The following CEP63 variants were observed in gnomAD, a reference collection of about 807,000 sequenced individuals.
CEP63 encodes the protein centrosomal protein of 63 kDa.
A neutral mutation model predicts 89.1 loss-of-function variants in CEP63; 84 were observed. The ratio of observed to expected loss-of-function variants is 0.94; its 90% CI spans 0.79 to 1.13. CEP63 has a LOEUF of 1.13. Among genes scored for constraint, CEP63 ranks in the 50% most tolerant of loss-of-function variants. The pLI is 0.00. For missense variants in CEP63, 838 were observed against 813.3 expected, an observed-to-expected ratio of 1.03 and a Z score of -0.37; for synonymous variants, 267 against 272.5, an observed-to-expected ratio of 0.98 and a Z score of 0.20.
chr3:134,550,086 T>G lies in CEP63; in HGVS notation c.1206T>G (p.Gly402=), dbSNP rs1488456248. ...IKKLKEQILQ[G]EQSYSSALEG... is the part of the protein sequence containing the mutation. Reference sequence around the variant, plus strand: ...AGTTGAAAGAACAGATTTTACAGGGTGAACAAAGTTACAGTTCTGCACTAG... The same window carrying G: ...AGTTGAAAGAACAGATTTTACAGGGGGAACAAAGTTACAGTTCTGCACTAG... Residue 402 remains glycine, a synonymous_variant, in exon 11 of 15, where the codon GGT becomes GGG. Transcript: ENST00000675561. 6.2e-7 allele frequency: 1 copy of G among 1,613,886 alleles called. No individual in the cohort carries two copies. Among genetic ancestry groups the G allele is most frequent in the Admixed American group, 1.7e-5 (1 of 60,016 alleles).
At chr3:134,689,448 A>T in the CEP63 span, among the ~76,000 whole-genome samples, 30 of 150,764 alleles carry the variant, frequency 2.0e-4, no homozygotes, top group Admixed American at 1.6e-3. Flanking sequence ...CTTATTTATT[A>T]TTATTATTAT....
At chr3:134,571,293 G>A (rs1359641917) in intron 11 of CEP63, among the ~76,000 whole-genome samples, 4 of 152,134 alleles carry the variant, frequency 2.6e-5, no homozygotes, top group African/African-American at 4.8e-5. Flanking sequence ...GGTGGCTTAG[G>A]TACTTAGAGG....
At chr3:134,525,637 G>A (rs1273044635) in intron 3 of CEP63, among the ~76,000 whole-genome samples, 1 of 152,196 alleles carries the variant, frequency 6.6e-6, no homozygotes, top group East Asian at 1.9e-4. Flanking sequence ...GTGTACTTTA[G>A]TCTGTTTTTG....
chr3:134,704,356 C>T, the CEP63 span, among the ~76,000 whole-genome samples: 1 of 152,076 alleles, frequency 6.6e-6, no homozygotes, highest in African/African-American at 2.4e-5. Context: ...ATGTCTGCAT[C>T]ATCAGCACCC....
At chr3:134,531,810 A>G (rs2109047123) in intron 3 of CEP63, 35 bp from the exon 4 acceptor site, 1 of 1,366,442 alleles carries the variant, frequency 7.3e-7, no homozygotes, top group East Asian at 2.3e-5. Context: ...TTTCAATGCT[A>G]ATAGTGAAAA....
At chr3:134,631,028 A>G in the CEP63 span, among the ~76,000 whole-genome samples, 5 of 152,232 alleles carry the variant, frequency 3.3e-5, no homozygotes, top group Non-Finnish European at 5.9e-5. Flanking sequence ...TTGAAGATAG[A>G]TCAACAGATA....
At chr3:134,544,124 A>C (rs552176379) in intron 6 of CEP63, among the ~76,000 whole-genome samples, 24 of 152,320 alleles carry the variant, frequency 1.6e-4, no homozygotes, top group African/African-American at 5.8e-4. Flanking sequence ...TTGGACCTGT[A>C]CTGTAAATAA....
chr3:134,725,894 A>C, the CEP63 span, among the ~76,000 whole-genome samples: 18 of 152,286 alleles, frequency 1.2e-4, no homozygotes, highest in African/African-American at 4.3e-4. Flanking sequence ...GAGCGAGGGC[A>C]GCAGAGGCCA....
the CEP63 span, among the ~76,000 whole-genome samples, chr3:134,729,036 G>A: frequency 1.3e-5 from 2 of 152,100 alleles, no homozygotes; most frequent in East Asian, 1.9e-4. Flanking sequence ...ATAAAAACAC[G>A]CTACACACAG....
At chr3:134,602,267 G>C in the CEP63 span, among the ~76,000 whole-genome samples, 3 of 152,088 alleles carry the variant, frequency 2.0e-5, no homozygotes, top group Non-Finnish European at 4.4e-5. Context: ...ATCTGCCCTC[G>C]CTGAAGTCAG....
chr3:134,546,337 T>C, intron 8 of CEP63, 49 bp downstream of exon 8: 1 of 1,454,520 alleles, frequency 6.9e-7, no homozygotes, highest in Non-Finnish European at 9.6e-7. Flanking sequence ...AATGACTAGG[T>C]ATTAAGCACT....
chr3:134,539,307 A>G (rs1229413593), intron 6 of CEP63, among the ~76,000 whole-genome samples: 1 of 152,202 alleles, frequency 6.6e-6, no homozygotes, highest in Non-Finnish European at 1.5e-5. Flanking sequence ...AATGTTAACT[A>G]TATGTACACT....
At chr3:134,685,038 G>A in the CEP63 span, among the ~76,000 whole-genome samples, 1 of 152,160 alleles carries the variant, frequency 6.6e-6, no homozygotes. Context: ...AGTGTGTTTA[G>A]TTAGGCTGCA....
intron 3 of CEP63, among the ~76,000 whole-genome samples, chr3:134,528,380 T>C (rs968147222): frequency 6.6e-6 from 1 of 152,202 alleles, no homozygotes; most frequent in Non-Finnish European, 1.5e-5. Context: ...TCTTCAATTT[T>C]TAAAAACCTT....
the CEP63 span, among the ~76,000 whole-genome samples, chr3:134,669,151 G>C: frequency 0.019 from 2,886 of 152,074 alleles, 99 homozygotes; most frequent in African/African-American, 0.066. Context: ...TCAGCCTCTC[G>C]AGTAGCTGGG....
chr3:134,643,521 A>G, the CEP63 span: 2 of 650,692 alleles, frequency 3.1e-6, no homozygotes, highest in Non-Finnish European at 5.5e-6. Context: ...ACACCCTCAC[A>G]GTGTGCACAT....
At chr3:134,595,477 T>C in the CEP63 span, among the ~76,000 whole-genome samples, 1 of 152,228 alleles carries the variant, frequency 6.6e-6, no homozygotes, top group African/African-American at 2.4e-5. Context: ...TGAGCCCTGA[T>C]TTAGCTACCT....
chr3:134,559,241 A>C lies in CEP63; in HGVS notation c.1765A>C (p.Ile589Leu). The C allele has an allele frequency of 3.7e-6, 6 of 1,614,220 alleles. No homozygotes were observed. The highest frequency in any genetic ancestry group is 5.1e-6 in the Non-Finnish European group (6 of 1,180,036). The change falls in exon 14 of 15, where the codon ATA becomes CTA. Residue 589 changes from isoleucine to leucine, a missense_variant. Coordinates refer to ENST00000675561, the MANE Select transcript of CEP63 (RefSeq NM_001353108.3). ...TCCAAGAGGACAAGCGTCGGATAGT[A>C]TAAACCCCATGTCTAGGGTGCTAAG... ...HSPRGQASDS[I>L]NPMSRVLSPL...
chr3:134,608,266 T>G, the CEP63 span: 2 of 1,200,112 alleles, frequency 1.7e-6, no homozygotes, highest in Non-Finnish European at 2.1e-6. Context: ...GACGTAGTCC[T>G]TTTCCCTGCT....
Sources: gnomAD v4.1 joint callset for allele counts (sites outside exome capture counted in the v4.1 genomes callset) on GRCh38, gnomAD v4.1.1 for gene constraint, MANE v1.5 for transcripts, NCBI Gene and HGNC (gene_info 2026-07-23, HGNC 2026-07-21) for gene names.